Variants in CACNA1C observed in about 807,000 individuals in gnomAD.
CACNA1C encodes voltage-dependent L-type calcium channel subunit alpha-1C.
CACNA1C carries 30 observed loss-of-function variants against 229.0 expected under a neutral mutation model. That is an observed-to-expected ratio of 0.13 (90% CI 0.10 to 0.18). CACNA1C has a LOEUF of 0.18. Among genes scored for constraint, CACNA1C ranks in the 10% least tolerant of loss-of-function variants. CACNA1C has a pLI of 1.00. For synonymous variants in CACNA1C, 1,114 were observed against 1,132.5 expected (o/e 0.98, Z 0.33); for missense variants, 1,658 against 2,845.0 (o/e 0.58, Z 9.49).
chr12:2,113,152 C>T (rs922404689), intron 1 of CACNA1C, among the ~76,000 whole-genome samples: 10 of 152,172 alleles, frequency 6.6e-5, no homozygotes, highest in East Asian at 1.9e-4. Flanking sequence ...GCCTCACCTG[C>T]GTGTGGCTCA....
chr12:2,338,053 G>A (rs1451161824), intron 3 of CACNA1C, among the ~76,000 whole-genome samples: 1 of 152,008 alleles, frequency 6.6e-6, no homozygotes, highest in Non-Finnish European at 1.5e-5. Flanking sequence ...TGCACAGCCT[G>A]GTCCTATCCC....
At chr12:2,433,993 A>G (rs961381055) in intron 3 of CACNA1C, among the ~76,000 whole-genome samples, 1 of 152,212 alleles carries the variant, frequency 6.6e-6, no homozygotes, top group Admixed American at 6.5e-5. Flanking sequence ...TTATGTAAGA[A>G]AAAAGTGAGT....
At chr12:2,668,893 G>A (rs377048684) in intron 37 of CACNA1C, 40 bp from the exon 38 acceptor site, 170 of 1,399,206 alleles carry the variant, frequency 1.2e-4, no homozygotes, top group African/African-American at 6.1e-4. Context: ...CCTAAGCACC[G>A]CCTGCCATCA....
At chr12:2,198,430 A>C (rs1169511640) in intron 3 of CACNA1C, among the ~76,000 whole-genome samples, 1 of 151,962 alleles carries the variant, frequency 6.6e-6, no homozygotes, top group African/African-American at 2.4e-5. Context: ...CATGAGGATG[A>C]CTCACCGTTT....
intron 3 of CACNA1C, among the ~76,000 whole-genome samples, chr12:2,194,918 G>A (rs1190949810): frequency 6.6e-6 from 1 of 152,198 alleles, no homozygotes; most frequent in Non-Finnish European, 1.5e-5. Context: ...GTCTTCTGAG[G>A]ACATTGGGGA....
At chr12:2,571,903 T>G (rs895264914) in intron 13 of CACNA1C, among the ~76,000 whole-genome samples, 2 of 152,206 alleles carry the variant, frequency 1.3e-5, no homozygotes, top group African/African-American at 4.8e-5. Flanking sequence ...TGTGGTCCCT[T>G]CAGCTGAACC....
intron 3 of CACNA1C, among the ~76,000 whole-genome samples, chr12:2,163,072 C>T (rs1471915697): frequency 6.6e-6 from 1 of 151,950 alleles, no homozygotes; most frequent in African/African-American, 2.4e-5. Context: ...GTGGTGCATG[C>T]TTGTAATTCC....
At chr12:2,172,832 C>A (rs925427765) in intron 3 of CACNA1C, among the ~76,000 whole-genome samples, 2 of 152,228 alleles carry the variant, frequency 1.3e-5, no homozygotes, top group East Asian at 3.8e-4. Context: ...CCTGATGGAC[C>A]TTGTCTGTGG....
At chr12:1,989,422 G>GAAAGGA (rs1440197567) in intron 1 of CACNA1C, among the ~76,000 whole-genome samples, 2 of 151,936 alleles carry the variant, frequency 1.3e-5, no homozygotes, top group Non-Finnish European at 2.9e-5. Context: ...AAGGGAAAGG[G>GAAAGGA]AAAGGAAAGG....
At chr12:2,127,574 C>A (rs139522619) in intron 3 of CACNA1C, among the ~76,000 whole-genome samples, 55 of 152,302 alleles carry the variant, frequency 3.6e-4, no homozygotes, top group African/African-American at 1.3e-3. Flanking sequence ...TGTACAAACA[C>A]CCTGTCCTGT....
intron 29 of CACNA1C, among the ~76,000 whole-genome samples, chr12:2,627,857 C>A (rs922109480): frequency 6.6e-6 from 1 of 152,176 alleles, no homozygotes; most frequent in Non-Finnish European, 1.5e-5. Flanking sequence ...CCAGCCAGCA[C>A]GCTCCGTGAC....
intron 3 of CACNA1C, among the ~76,000 whole-genome samples, chr12:2,128,703 G>T (rs1030247826): frequency 9.2e-5 from 14 of 152,164 alleles, no homozygotes; most frequent in Non-Finnish European, 1.8e-4. Flanking sequence ...GAGCCACTGC[G>T]CCCGGCCAGG....
intron 3 of CACNA1C, among the ~76,000 whole-genome samples, chr12:2,165,574 A>G (rs1460626352): frequency 1.3e-5 from 2 of 151,814 alleles, no homozygotes; most frequent in Admixed American, 6.5e-5. Flanking sequence ...TTACCAACTA[A>G]AAGAGTGGTA....
chr12:2,671,891 A>G lies in CACNA1C; in HGVS notation c.4727-2650A>G, dbSNP rs978317360. Reference sequence around the variant, plus strand: ...ACCCAAGGGTGAGCCTTCATCAGACATGGGCCCTCCATAAACTTGTTAAAA... The same window carrying G: ...ACCCAAGGGTGAGCCTTCATCAGACGTGGGCCCTCCATAAACTTGTTAAAA... On this transcript the variant is annotated intron_variant, in intron 38 of 46. Transcript: ENST00000399655. 8.6e-5 allele frequency among the ~76,000 whole-genome samples: 13 copies of G among 150,658 alleles called. No individual in the cohort carries two copies. In the South Asian group the frequency reaches 1.5e-3, roughly 17 times the overall value.
chr12:1,997,366 A>G (rs968196542), intron 1 of CACNA1C, among the ~76,000 whole-genome samples: 3 of 152,196 alleles, frequency 2.0e-5, no homozygotes, highest in African/African-American at 7.2e-5. Context: ...CGTTGCTACT[A>G]AAAATTAGCT....
At chr12:1,997,930 C>G in intron 1 of CACNA1C, 3 of 1,604,162 alleles carry the variant, frequency 1.9e-6, no homozygotes, top group Non-Finnish European at 8.5e-7. Flanking sequence ...GTGAAACACT[C>G]TTACCTTGTA....
chr12:2,205,742 G>T (rs997077299), intron 3 of CACNA1C, among the ~76,000 whole-genome samples: 1 of 152,112 alleles, frequency 6.6e-6, no homozygotes, highest in Non-Finnish European at 1.5e-5. Flanking sequence ...ATACCGCAGT[G>T]GGGGGACTAC....
intron 1 of CACNA1C, among the ~76,000 whole-genome samples, chr12:1,982,446 G>A (rs1184470528): frequency 6.6e-6 from 1 of 152,074 alleles, no homozygotes; most frequent in Admixed American, 6.5e-5. Flanking sequence ...ACTACTCTAG[G>A]TACCTCACAG....
chr12:2,166,274 C>T (rs2096224308), intron 3 of CACNA1C, among the ~76,000 whole-genome samples: 1 of 152,194 alleles, frequency 6.6e-6, no homozygotes, highest in South Asian at 2.1e-4. Flanking sequence ...AGAGAGGCCT[C>T]TACCATCAGT....
Sources: allele counts gnomAD v4.1 joint callset (sites outside exome capture counted in the v4.1 genomes callset), GRCh38; gene constraint gnomAD v4.1.1; transcripts MANE v1.5; gene names NCBI Gene and HGNC (gene_info 2026-07-23, HGNC 2026-07-21).